Variants in AQP3 observed in about 807,000 individuals in gnomAD.
AQP3 encodes aquaporin 3 (Gill blood group).
AQP3 carries 15 observed loss-of-function variants against 30.3 expected under a neutral mutation model. The observed-to-expected ratio is 0.49, with a 90% CI of 0.33 to 0.76. The LOEUF (loss-of-function observed/expected upper bound fraction) is 0.76. AQP3 is among the 30% of genes least tolerant of loss of function. The pLI is 0.02. For missense variants in AQP3, 272 were observed against 384.8 expected (o/e 0.71, Z 2.45); for synonymous variants, 153 against 163.2 (o/e 0.94, Z 0.47).
chr9:33,442,573 T>TCC (rs933336656), intron 4 of AQP3, 55 bp from the exon 5 acceptor site: 1 of 1,502,916 alleles, frequency 6.7e-7, no homozygotes, highest in African/African-American at 1.4e-5. Flanking sequence ...CTCTGACCCC[T>TCC]CCTTCCATCC....
chr9:33,441,649 C>T lies in AQP3; in HGVS notation c.*394G>A, dbSNP rs1485114312. ...CAGGCTGCCTTCCCCTGTCTCTGGG[C>T]TCCCCCAATAGCCAGAATCCCTTCC... is the stretch of plus-strand genomic sequence containing the variant. On this transcript the variant is annotated 3_prime_UTR_variant, in exon 6 of 6. Coordinates refer to ENST00000297991, the MANE Select transcript of AQP3 (RefSeq NM_004925.5). 1 of 383,830 alleles carries T rather than the reference C, an allele frequency of 2.6e-6. No homozygotes were observed. The highest frequency in any genetic ancestry group is 4.7e-6 in the Non-Finnish European group (1 of 214,556). The allele number at this position is 383,830 out of a possible 1,614,324, so 23.8% of individuals were successfully genotyped here.
In AQP3 at chr9:33,443,463, G is replaced by C; in HGVS notation, c.236-5C>G. 1 of 1,611,576 alleles carries C rather than the reference G, an allele frequency of 6.2e-7. No homozygotes were observed. On this transcript the variant is annotated splice_region_variant and splice_polypyrimidine_tract_variant and intron_variant, in intron 2 of 5. Coordinates refer to ENST00000297991, the MANE Select transcript of AQP3 (RefSeq NM_004925.5). The surrounding 1 kb of genome is among the most constrained non-coding windows in gnomAD (Gnocchi z 5.0). The stretch of plus-strand genomic sequence containing the variant: ...CGGCAGGGTTCAGGTGGGCCCCTGG[G>C]CAGAGGGGACAAGGGACCTATTAGC...
chr9:33,442,214 G>T lies in AQP3; in HGVS notation c.711-3C>A, dbSNP rs1268668996. On this transcript the variant is annotated splice_polypyrimidine_tract_variant and splice_region_variant and intron_variant, in intron 5 of 5. Transcript: ENST00000297991. Reference sequence around the variant, plus strand: ...CCCACCACCAATGCTGGCCGGTCCTGGGGGGACAGACACTCATAGTCAGGG... The same window carrying T: ...CCCACCACCAATGCTGGCCGGTCCTTGGGGGACAGACACTCATAGTCAGGG... 3 of 1,612,436 alleles carry T rather than the reference G, an allele frequency of 1.9e-6. No homozygotes were observed. Among genetic ancestry groups the T allele is most frequent in the Non-Finnish European group, 1.7e-6 (2 of 1,179,458 alleles).
In AQP3 at chr9:33,443,004, G is replaced by A. The variant is rs755447177; in HGVS notation, c.374-34C>T. ...AGATTAGACACACAGTGAGTCGGGG[G>A]AGAGGCCTGAGCCCAGACTTCCCTC... On this transcript the variant is annotated intron_variant, in intron 3 of 5. Transcript: ENST00000297991. This position sits in a 1 kb window ranked among gnomAD's most constrained non-coding sequence, Gnocchi z 5.0. The A allele has an allele frequency of 6.9e-6, 11 of 1,584,602 alleles. No individual in the cohort carries two copies. Among genetic ancestry groups the A allele is most frequent in the African/African-American group, 1.3e-5 (1 of 74,242 alleles).
intron 1 of AQP3, among the ~76,000 whole-genome samples, chr9:33,445,794 G>A (rs1406077898): frequency 1.3e-5 from 2 of 152,104 alleles, no homozygotes; most frequent in African/African-American, 4.8e-5. Flanking sequence ...TTCTGCCACT[G>A]CAGGCCTAGG....
Position 33,442,402 on chromosome 9 carries a change from G to A in AQP3, c.609C>T (p.Gly203=), listed in dbSNP as rs1334609330. The A allele has an allele frequency of 2.5e-6, 4 of 1,611,824 alleles. No homozygotes were observed. In the Admixed American group the frequency reaches 6.7e-5, roughly 27 times the overall value. Residue 203 remains glycine (G), a synonymous_variant, in exon 5 of 6, where the codon GGC becomes GGT. Coordinates refer to ENST00000297991, the MANE Select transcript of AQP3 (RefSeq NM_004925.5). ...FTVGLVVLVI[G]TSMGFNSGYA... is the part of the protein sequence containing the mutation. ...AGCCGGAGTTGAAGCCCATGGAGGT[G>A]CCAATGACCAGGACCACCAGGCCCA...
At chr9:33,444,141 G>A (rs1826882918) in intron 1 of AQP3, among the ~76,000 whole-genome samples, 1 of 152,222 alleles carries the variant, frequency 6.6e-6, no homozygotes, top group Non-Finnish European at 1.5e-5. Flanking sequence ...GTCTGCGACT[G>A]GGATCCTAGA....
Position 33,443,278 on chromosome 9 carries a change from A to T in AQP3, c.373+43T>A, listed in dbSNP as rs949923061. On this transcript the variant is annotated intron_variant, in intron 3 of 5. Transcript: ENST00000297991. This position sits in a 1 kb window ranked among gnomAD's most constrained non-coding sequence, Gnocchi z 5.0. ...CCTGGTGCCAGCAGGTCCTGAACAG[A>T]GGGACGGGGGTAGTGGAGGAGGACA... 8.0e-5 allele frequency: 125 copies of T among 1,561,362 alleles called. No individual in the cohort carries two copies. Among genetic ancestry groups the T allele is most frequent in the Non-Finnish European group, 1.0e-4 (121 of 1,152,418 alleles).
intron 1 of AQP3, among the ~76,000 whole-genome samples, chr9:33,446,266 TA>T (rs1353967256): frequency 6.6e-6 from 1 of 152,068 alleles, no homozygotes; most frequent in Non-Finnish European, 1.5e-5. Flanking sequence ...AGGCTGTGGA[TA>T]AAATGCCCCC....
chr9:33,447,532 G>A lies in AQP3; in HGVS notation c.-2C>T, dbSNP rs1410424198. ...CACCAGCTCCTTCTGTCGACCCATG[G>A]CGGGGCAGGCGGCGGCGCTGTCGGG... On this transcript the variant is annotated 5_prime_UTR_variant, in exon 1 of 6. Transcript: ENST00000297991. 6.3e-7 allele frequency: 1 copy of A among 1,593,882 alleles called. No homozygotes were observed. The highest frequency in any genetic ancestry group is 8.5e-7 in the Non-Finnish European group (1 of 1,169,676).
chr9:33,443,202 G>A lies in AQP3; in HGVS notation c.373+119C>T. On this transcript the variant is annotated intron_variant, in intron 3 of 5. Transcript: ENST00000297991. The surrounding 1 kb of genome is among the most constrained non-coding windows in gnomAD (Gnocchi z 5.0). ...ACCTTGACCCTGTGCGTGAATGAGT[G>A]AGTCATGAGCCCGGGGCCTGGGCAG... 1 of 1,418,812 alleles carries A rather than the reference G, an allele frequency of 7.0e-7. No individual in the cohort carries two copies. The highest frequency in any genetic ancestry group is 1.4e-5 in the African/African-American group (1 of 70,318). 87.9% of individuals were successfully genotyped at this position (1,418,812 alleles called of 1,614,324 possible).
Position 33,443,575 on chromosome 9 carries a change from T to C in AQP3, c.236-117A>G, listed in dbSNP as rs566526470. Reference sequence around the variant, plus strand: ...TGCACAGGATGGCGGTTGGTCTATGTAACAGGTCAGCTGATAATCTCTGAT... The same window carrying C: ...TGCACAGGATGGCGGTTGGTCTATGCAACAGGTCAGCTGATAATCTCTGAT... On this transcript the variant is annotated intron_variant, in intron 2 of 5. Transcript: ENST00000297991. This position sits in a 1 kb window ranked among gnomAD's most constrained non-coding sequence, Gnocchi z 5.0. The C allele has an allele frequency of 8.2e-6, 12 of 1,468,990 alleles. No individual in the cohort carries two copies. Among genetic ancestry groups the C allele is most frequent in the Non-Finnish European group, 1.1e-5 (12 of 1,076,648 alleles). The allele number at this position is 1,468,990 out of a possible 1,614,324, so 91.0% of individuals were successfully genotyped here.
chr9:33,443,681 G>A lies in AQP3; in HGVS notation c.235+85C>T, dbSNP rs1427574998. 19 of 1,598,670 alleles carry A rather than the reference G, an allele frequency of 1.2e-5. No individual in the cohort carries two copies. Among genetic ancestry groups the A allele is most frequent in the Non-Finnish European group, 1.6e-5 (19 of 1,168,254 alleles). ...CCAAGGGGCCAAAGCAGAGGCCACAGCTGTGACCTGCCCTTAGGAATGCCA... is the reference window on the plus strand; with the variant it reads ...CCAAGGGGCCAAAGCAGAGGCCACAACTGTGACCTGCCCTTAGGAATGCCA... On this transcript the variant is annotated intron_variant, in intron 2 of 5. Transcript: ENST00000297991. This position sits in a 1 kb window ranked among gnomAD's most constrained non-coding sequence, Gnocchi z 5.0.
In AQP3 at chr9:33,442,381, G is replaced by T. The variant is rs760098669; in HGVS notation, c.630C>A (p.Ser210=). 6.2e-6 allele frequency: 10 copies of T among 1,611,754 alleles called. No individual in the cohort carries two copies. The highest frequency in any genetic ancestry group is 8.5e-6 in the Non-Finnish European group (10 of 1,179,328). The change falls in exon 5 of 6, where the codon TCC becomes TCA. Residue 210 remains serine (S), a synonymous_variant. Coordinates refer to ENST00000297991, the MANE Select transcript of AQP3 (RefSeq NM_004925.5). The stretch of plus-strand genomic sequence containing the variant: ...CCCGGGCAGGGTTGACGGCATAGCC[G>T]GAGTTGAAGCCCATGGAGGTGCCAA... The part of the protein sequence containing the change: ...LVIGTSMGFN[S]GYAVNPARDF...
chr9:33,442,976 G>C lies in AQP3; in HGVS notation c.374-6C>G, dbSNP rs369645288. On this transcript the variant is annotated splice_polypyrimidine_tract_variant and splice_region_variant and intron_variant, in intron 3 of 5. Coordinates refer to ENST00000297991, the MANE Select transcript of AQP3 (RefSeq NM_004925.5). ...GGCGAAGTGCCAGATTGCATCTGGT[G>C]ACAGATTAGACACACAGTGAGTCGG... 4.9e-5 allele frequency: 79 copies of C among 1,611,684 alleles called. No homozygotes were observed. The African/African-American group carries it at 9.1e-4, about 18-fold the overall frequency.
In AQP3 at chr9:33,441,783, C is replaced by T; in HGVS notation, c.*260G>A. ...TGCACACACACACATACCTGCTGCC[C>T]ATTCTCTTCCCTTGGGAGACAAAAG... is the stretch of plus-strand genomic sequence containing the variant. On this transcript the variant is annotated 3_prime_UTR_variant, in exon 6 of 6. Coordinates refer to ENST00000297991, the MANE Select transcript of AQP3 (RefSeq NM_004925.5). 1.7e-6 allele frequency: 1 copy of T among 602,194 alleles called. No homozygotes were observed. The highest frequency in any genetic ancestry group is 3.0e-5 in the Admixed American group (1 of 33,884). 37.3% of individuals were successfully genotyped at this position (602,194 alleles called of 1,614,324 possible).
intron 4 of AQP3, 25 bp downstream of exon 4, chr9:33,442,827 C>T: frequency 6.2e-7 from 1 of 1,604,088 alleles, no homozygotes; most frequent in Non-Finnish European, 8.5e-7. Context: ...TCCCTGCGTT[C>T]CCCTCACACG....
chr9:33,446,720 C>G (rs1453161198), intron 1 of AQP3, among the ~76,000 whole-genome samples: 1 of 152,140 alleles, frequency 6.6e-6, no homozygotes, highest in Non-Finnish European at 1.5e-5. Flanking sequence ...AACCAGAATG[C>G]TTGTCGTCTT....
Position 33,442,534 on chromosome 9 carries a change from A to G in AQP3, c.493-16T>C, listed in dbSNP as rs936949115. ...TGCCTATGAACTGGGGAGTGGGGAG[A>G]ACAGGGTGAGCTGCAGCTCCCTCCC... is the stretch of plus-strand genomic sequence containing the variant. On this transcript the variant is annotated splice_polypyrimidine_tract_variant and intron_variant, in intron 4 of 5. Coordinates refer to ENST00000297991, the MANE Select transcript of AQP3 (RefSeq NM_004925.5). 6.3e-7 allele frequency: 1 copy of G among 1,591,722 alleles called. No individual in the cohort carries two copies. Among genetic ancestry groups the G allele is most frequent in the African/African-American group, 1.3e-5 (1 of 74,742 alleles).
Sources: gnomAD v4.1 joint callset for allele counts (sites outside exome capture counted in the v4.1 genomes callset) on GRCh38, gnomAD v4.1.1 for gene constraint, Gnocchi (gnomAD v3.1) non-coding constraint, MANE v1.5 for transcripts, NCBI Gene and HGNC (gene_info 2026-07-23, HGNC 2026-07-21) for gene names.